Variants in TEX11 observed in about 807,000 individuals in gnomAD.
TEX11 encodes the protein testis expressed 11.
In TEX11, 7 loss-of-function variants were observed where a neutral mutation model predicts 84.4. That is an observed-to-expected ratio of 0.08 (90% CI 0.05 to 0.16). The LOEUF (loss-of-function observed/expected upper bound fraction) is 0.16. Ranked by LOEUF, TEX11 falls within the 10% of genes least tolerant of loss-of-function variation. The pLI is 1.00. For synonymous variants in TEX11, 264 were observed against 222.8 expected, an observed-to-expected ratio of 1.18 and a Z score of -1.64; for missense variants, 551 against 660.5, an observed-to-expected ratio of 0.83 and a Z score of 1.82.
At chrX:70,762,944 G>A (rs2090918327) in intron 9 of TEX11, among the ~76,000 whole-genome samples, 1 of 111,822 alleles carries the variant, frequency 8.9e-6, no homozygotes, top group Non-Finnish European at 1.9e-5. Flanking sequence ...TGAGGTGGGA[G>A]GATGGCTTGA....
chrX:70,803,098 T>G (rs1304720787), intron 9 of TEX11, among the ~76,000 whole-genome samples: 2 of 111,400 alleles, frequency 1.8e-5, no homozygotes, highest in Non-Finnish European at 3.8e-5. Context: ...ACTGCAAGAC[T>G]TACGAAAGAG....
At chrX:70,813,605 C>T (rs1198064124) in intron 8 of TEX11, among the ~76,000 whole-genome samples, 1 of 111,050 alleles carries the variant, frequency 9.0e-6, no homozygotes, top group African/African-American at 3.3e-5. Context: ...CCAGGGCAAT[C>T]AGGCAGGAGA....
rs113090306 is a variant in TEX11 at position 70,561,607 on chromosome X, C to T, written c.2141-6807G>A. ...TTCACCATATTGGCCAGGCTGGTCTCGAACTCCTGACTTCATGATCCACCT... is the reference window on the plus strand; with the variant it reads ...TTCACCATATTGGCCAGGCTGGTCTTGAACTCCTGACTTCATGATCCACCT... On this transcript the variant is annotated intron_variant, in intron 25 of 29. Coordinates refer to ENST00000374333, the MANE Select transcript of TEX11 (RefSeq NM_031276.3). 2.1e-4 allele frequency among the ~76,000 whole-genome samples: 23 copies of T among 109,246 alleles called. No homozygotes were observed. The South Asian group carries it at 4.4e-3, about 21-fold the overall frequency. The allele number at this position is 109,246 out of a possible 115,157, so 94.9% of individuals were successfully genotyped here.
At chrX:70,603,755 G>T (rs2089161056) in intron 24 of TEX11, among the ~76,000 whole-genome samples, 1 of 110,621 alleles carries the variant, frequency 9.0e-6, no homozygotes, top group Non-Finnish European at 1.9e-5. Flanking sequence ...TACCATCAGA[G>T]TGAACAGGCA....
At chrX:70,868,206 A>C (rs2091609439) in intron 4 of TEX11, among the ~76,000 whole-genome samples, 1 of 111,956 alleles carries the variant, frequency 8.9e-6, no homozygotes, top group Admixed American at 9.5e-5. Context: ...CCCATCAAAA[A>C]GTAGGCGAAG....
intron 13 of TEX11, among the ~76,000 whole-genome samples, chrX:70,712,322 T>C (rs1410828980): frequency 2.7e-5 from 3 of 111,905 alleles, no homozygotes. Flanking sequence ...TCCAATTCTG[T>C]GAAGAAAGTC....
At chrX:70,768,595 C>T (rs2090955021) in intron 9 of TEX11, among the ~76,000 whole-genome samples, 3 of 111,007 alleles carry the variant, frequency 2.7e-5, no homozygotes, top group Non-Finnish European at 5.7e-5. Flanking sequence ...AGAGAGAGGG[C>T]AAAGGGGGAA....
At chrX:70,734,104 T>C (rs1460005535) in intron 11 of TEX11, among the ~76,000 whole-genome samples, 2 of 109,451 alleles carry the variant, frequency 1.8e-5, no homozygotes, top group Non-Finnish European at 3.8e-5. Flanking sequence ...AATTGAACAA[T>C]GAGAACACAT....
At chrX:70,720,490 C>T (rs930725085) in intron 13 of TEX11, among the ~76,000 whole-genome samples, 2 of 108,661 alleles carry the variant, frequency 1.8e-5, no homozygotes, top group South Asian at 4.1e-4. Flanking sequence ...GCATGTTGTG[C>T]ACATGTACCC....
chrX:70,516,637 G>C, the TEX11 span, among the ~76,000 whole-genome samples: 1 of 111,306 alleles, frequency 9.0e-6, no homozygotes, highest in Non-Finnish European at 1.9e-5. Context: ...CTTTAAAGTA[G>C]TTTTTTCCAA....
At chrX:70,668,212 A>G (rs182556885) in intron 16 of TEX11, among the ~76,000 whole-genome samples, 2 of 112,388 alleles carry the variant, frequency 1.8e-5, no homozygotes, top group African/African-American at 6.4e-5. Context: ...AAACTCAACA[A>G]GAGTCAGTAT....
chrX:70,718,408 G>A (rs985494635), intron 13 of TEX11, among the ~76,000 whole-genome samples: 11 of 111,708 alleles, frequency 9.8e-5, no homozygotes, highest in African/African-American at 3.3e-4. Context: ...AAAGTAAGCC[G>A]GATTATTCCT....
At chrX:70,538,360 AAG>A (rs1038574646) in intron 28 of TEX11, among the ~76,000 whole-genome samples, 1 of 111,477 alleles carries the variant, frequency 9.0e-6, no homozygotes, top group African/African-American at 3.3e-5. Context: ...TGGAGAAGAG[AAG>A]AAAGAGCCAG....
chrX:70,529,793 C>T (rs2087860927), intron 29 of TEX11, 42 bp downstream of exon 29: 5 of 1,160,008 alleles, frequency 4.3e-6, no homozygotes, highest in African/African-American at 1.8e-5. Flanking sequence ...AACCTCTTGC[C>T]CCCTAGGTCA....
intron 13 of TEX11, among the ~76,000 whole-genome samples, chrX:70,707,614 T>C (rs986454874): frequency 1.8e-5 from 2 of 111,589 alleles, no homozygotes; most frequent in African/African-American, 6.5e-5. Context: ...TTCTGAATTT[T>C]ATTGTTACTC....
intron 9 of TEX11, among the ~76,000 whole-genome samples, chrX:70,790,660 T>G (rs2091112429): frequency 9.0e-6 from 1 of 111,400 alleles, no homozygotes. Context: ...AGTACTGGAG[T>G]GCATCTGATC....
intron 15 of TEX11, among the ~76,000 whole-genome samples, chrX:70,678,361 A>T (rs2090092676): frequency 9.0e-6 from 1 of 110,836 alleles, no homozygotes; most frequent in Non-Finnish European, 1.9e-5. Context: ...AATGTATAAT[A>T]CACAAAGATT....
At chrX:70,664,306 T>C (rs1180745393) in intron 16 of TEX11, among the ~76,000 whole-genome samples, 2 of 111,843 alleles carry the variant, frequency 1.8e-5, no homozygotes, top group Non-Finnish European at 3.8e-5. Flanking sequence ...ATATTTTATC[T>C]ACTTTGTTCT....
chrX:70,708,122 T>C (rs1295903647), intron 13 of TEX11, among the ~76,000 whole-genome samples: 1 of 109,733 alleles, frequency 9.1e-6, no homozygotes, highest in Admixed American at 9.8e-5. Flanking sequence ...ATAGCCTCAT[T>C]AAAAAATGGG....
Sources: gnomAD v4.1 joint callset for allele counts (sites outside exome capture counted in the v4.1 genomes callset) on GRCh38, gnomAD v4.1.1 for gene constraint, MANE v1.5 for transcripts, NCBI Gene and HGNC (gene_info 2026-07-23, HGNC 2026-07-21) for gene names.